The following YIPF4 variants were observed in gnomAD, a reference collection of about 807,000 sequenced individuals.
YIPF4 encodes the protein Yip1 domain family member 4, also known as protein YIPF4.
YIPF4 carries 18 observed loss-of-function variants against 29.4 expected under a neutral mutation model. The observed-to-expected ratio is 0.61, with a 90% CI of 0.42 to 0.91. The LOEUF (loss-of-function observed/expected upper bound fraction) is 0.91, where lower values mean the gene tolerates loss of function less well. YIPF4 is among the 40% of genes least tolerant of loss of function. The probability of loss-of-function intolerance (pLI) is 0.00; values close to 1 mark genes in which losing one functional copy is unlikely to be tolerated. For synonymous variants in YIPF4, 115 were observed against 104.7 expected (o/e 1.10, Z -0.60); for missense variants, 279 against 282.7 (o/e 0.99, Z 0.09).
At position 32,310,143 on chromosome 2, in the gene YIPF4, A is replaced by G. The variant is rs1159473100; in HGVS notation, c.*4517A>G. On this transcript the variant is annotated 3_prime_UTR_variant, in exon 6 of 6. Transcript: ENST00000238831. ...AAGTAATATTTTATTATTCTCCTTC[A>G]TAAATGGTTTCTTTAATTGAACCTT... The G allele has an allele frequency of 6.6e-6, 1 of 152,186 alleles. No individual in the cohort carries two copies. Among genetic ancestry groups the G allele is most frequent in the Non-Finnish European group, 1.5e-5 (1 of 68,040 alleles). The allele number at this position is 152,186 out of a possible 1,614,324, so 9.4% of individuals were successfully genotyped here. A position where few individuals can be genotyped will look rare whatever the true frequency, so the allele number is the denominator to read the frequency against.
At chr2:32,283,104 G>A (rs573736499) in intron 1 of YIPF4, among the ~76,000 whole-genome samples, 2 of 150,448 alleles carry the variant, frequency 1.3e-5, no homozygotes, top group African/African-American at 2.4e-5. Context: ...GAATACCCAA[G>A]TGCTCAAATA....
At chr2:32,300,395 C>A (rs1573541027) in intron 4 of YIPF4, among the ~76,000 whole-genome samples, 1 of 149,178 alleles carries the variant, frequency 6.7e-6, no homozygotes, top group Non-Finnish European at 1.5e-5. Context: ...GATCGCGCCA[C>A]TGCACTCCAG....
Position 32,307,267 on chromosome 2 carries a change from T to A in YIPF4, c.*1641T>A. 1.6e-6 allele frequency: 1 copy of A among 608,996 alleles called. No homozygotes were observed. Among genetic ancestry groups the A allele is most frequent in the South Asian group, 3.1e-5 (1 of 32,136 alleles). 37.7% of individuals were successfully genotyped at this position (608,996 alleles called of 1,614,324 possible). On this transcript the variant is annotated 3_prime_UTR_variant, in exon 6 of 6. Transcript: ENST00000238831. ...TATAATGGATTATAATATTTGACAT[T>A]CATAGTGTTGACCCTGGAATCTTTC...
chr2:32,278,819 C>T (rs2030238090), intron 1 of YIPF4, among the ~76,000 whole-genome samples: 1 of 152,076 alleles, frequency 6.6e-6, no homozygotes, highest in South Asian at 2.1e-4. Context: ...TTAGTGTAAA[C>T]CAACAATGTG....
intron 3 of YIPF4, among the ~76,000 whole-genome samples, chr2:32,294,578 C>T (rs1573535676): frequency 6.6e-6 from 1 of 150,406 alleles, no homozygotes; most frequent in Non-Finnish European, 1.5e-5. Context: ...TCCTCACTTT[C>T]CAGACTGGGC....
At position 32,305,593 on chromosome 2, in the gene YIPF4, C is replaced by T. The variant is rs755603779; in HGVS notation, c.702C>T (p.Tyr234=). Residue 234 remains tyrosine, a synonymous_variant, in exon 6 of 6, where the codon TAC becomes TAT. Coordinates refer to ENST00000238831, the MANE Select transcript of YIPF4 (RefSeq NM_032312.4). ...PLLIYPIFLL[Y]IYFLSLYTGV ...TGATTTATCCAATCTTTTTATTATACATTTATTTTTTGTCGTTATATACTG... is the reference window on the plus strand; with the variant it reads ...TGATTTATCCAATCTTTTTATTATATATTTATTTTTTGTCGTTATATACTG... The T allele has an allele frequency of 5.0e-6, 8 of 1,607,022 alleles. No individual in the cohort carries two copies. In the South Asian group the frequency reaches 7.8e-5, roughly 16 times the overall value.
At chr2:32,299,176 A>C (rs532920345) in intron 4 of YIPF4, among the ~76,000 whole-genome samples, 70 of 152,252 alleles carry the variant, frequency 4.6e-4, no homozygotes, top group Middle Eastern at 6.8e-3. Context: ...GCCCAGCCAG[A>C]ATTTATTCTT....
At chr2:32,301,886 G>A (rs1162027808) in intron 5 of YIPF4, among the ~76,000 whole-genome samples, 1 of 152,162 alleles carries the variant, frequency 6.6e-6, no homozygotes, top group South Asian at 2.1e-4. Flanking sequence ...TTTGTTTTTA[G>A]TAGAGATGGG....
intron 4 of YIPF4, among the ~76,000 whole-genome samples, chr2:32,300,087 A>T (rs942349335): frequency 1.5e-4 from 23 of 151,892 alleles, no homozygotes; most frequent in Non-Finnish European, 3.2e-4. Flanking sequence ...TCCAACATGG[A>T]GAAACCCCAT....
chr2:32,282,800 A>C (rs551033516), intron 1 of YIPF4, among the ~76,000 whole-genome samples: 4 of 150,966 alleles, frequency 2.6e-5, no homozygotes, highest in African/African-American at 9.7e-5. Flanking sequence ...AGTGCAGGCC[A>C]GGTGGGTGGC....
rs910057546 is a variant in YIPF4, at chr2:32,308,702, A to C, written c.*3076A>C. On this transcript the variant is annotated 3_prime_UTR_variant, in exon 6 of 6. Transcript: ENST00000238831. ...CACTCCAGCCTGGGCAACAGGAGTG[A>C]AACTCCATCTCAAGAAAAACACAAA... 1 of 148,092 alleles carries C rather than the reference A, an allele frequency of 6.8e-6. No individual in the cohort carries two copies. The highest frequency in any genetic ancestry group is 1.5e-5 in the Non-Finnish European group (1 of 67,840). The allele number at this position is 148,092 out of a possible 1,614,324, so 9.2% of individuals were successfully genotyped here. A position where few individuals can be genotyped will look rare whatever the true frequency, so the allele number is the denominator to read the frequency against.
At position 32,303,056 on chromosome 2, in the gene YIPF4, C is replaced by T. The variant is rs190188208; in HGVS notation, c.597+1561C>T. On this transcript the variant is annotated intron_variant, in intron 5 of 5. Transcript: ENST00000238831. ...GTAAACTTAACTATATTTTAGGGTT[C>T]GTTACAAAGAGTTTATATATAATGC... 5.8e-4 allele frequency among the ~76,000 whole-genome samples: 89 copies of T among 152,174 alleles called. 1 individual carries two copies. The highest frequency in any genetic ancestry group is 9.7e-4 in the Non-Finnish European group (66 of 68,002).
chr2:32,286,056 TAAAC>T (rs1335150305), intron 1 of YIPF4, among the ~76,000 whole-genome samples: 2 of 152,238 alleles, frequency 1.3e-5, no homozygotes, highest in Non-Finnish European at 2.9e-5. Context: ...TTAGGGGAGT[TAAAC>T]AAGGTTTACT....
intron 2 of YIPF4, 109 bp from the exon 3 acceptor site, chr2:32,292,068 C>A (rs1052937034): frequency 2.2e-5 from 14 of 648,796 alleles, no homozygotes; most frequent in African/African-American, 1.7e-4. Context: ...GTTTTGTTGA[C>A]CTATGGAGAT....
At chr2:32,295,210 A>G (rs1263257286) in intron 3 of YIPF4, among the ~76,000 whole-genome samples, 1 of 152,182 alleles carries the variant, frequency 6.6e-6, no homozygotes, top group Non-Finnish European at 1.5e-5. Flanking sequence ...CTACTTTCAG[A>G]TACTTTATCA....
At chr2:32,303,267 G>A (rs2031467551) in intron 5 of YIPF4, among the ~76,000 whole-genome samples, 1 of 152,178 alleles carries the variant, frequency 6.6e-6, no homozygotes, top group South Asian at 2.1e-4. Context: ...GGCTGAGGTG[G>A]GAGGATTGCT....
rs1282330834 is a variant in YIPF4, at chr2:32,316,281, AAATC to A, written c.*10659_*10662del. 1.3e-5 allele frequency: 2 copies of A among 152,212 alleles called. No individual in the cohort carries two copies. Among genetic ancestry groups the A allele is most frequent in the African/African-American group, 4.8e-5 (2 of 41,458 alleles). 9.4% of individuals were successfully genotyped at this position (152,212 alleles called of 1,614,324 possible). On this transcript the variant is annotated 3_prime_UTR_variant, in exon 6 of 6. Transcript: ENST00000238831. ...TCATGTATGTAATATTAATATTTAT[AAATC>A]AATAAAATGGGCTAGGGATATAAAT...
chr2:32,286,064 GT>G (rs756569702), intron 1 of YIPF4, among the ~76,000 whole-genome samples: 13 of 152,066 alleles, frequency 8.5e-5, no homozygotes, highest in Non-Finnish European at 1.5e-4. Flanking sequence ...GTTAAACAAG[GT>G]TTACTTTTTT....
Position 32,278,056 on chromosome 2 carries a change from C to A in YIPF4, c.-100C>A. Reference sequence around the variant, plus strand: ...AGCTTGCACGTCGAGACTCGTAGGCCGCACCGTAGGGCGAGCGTGCGGGTC... The same window carrying A: ...AGCTTGCACGTCGAGACTCGTAGGCAGCACCGTAGGGCGAGCGTGCGGGTC... On this transcript the variant is annotated 5_prime_UTR_variant, in exon 1 of 6. Coordinates refer to ENST00000238831, the MANE Select transcript of YIPF4 (RefSeq NM_032312.4). The A allele has an allele frequency of 3.8e-6, 4 of 1,052,672 alleles. No homozygotes were observed. The highest frequency in any genetic ancestry group is 2.8e-5 in the Admixed American group (1 of 36,182). 65.2% of individuals were successfully genotyped at this position (1,052,672 alleles called of 1,614,324 possible).
Sources: gnomAD v4.1 joint callset for allele counts (sites outside exome capture counted in the v4.1 genomes callset) on GRCh38, gnomAD v4.1.1 for gene constraint, MANE v1.5 for transcripts, NCBI Gene and HGNC (gene_info 2026-07-23, HGNC 2026-07-21) for gene names.